Variants in PDE10A observed in about 807,000 individuals in gnomAD.
PDE10A encodes phosphodiesterase 10A.
PDE10A carries 39 observed loss-of-function variants against 97.7 expected under a neutral mutation model. The ratio of observed to expected loss-of-function variants is 0.40; its 90% CI spans 0.31 to 0.52. PDE10A has a LOEUF of 0.52. Among genes scored for constraint, PDE10A ranks in the 20% least tolerant of loss-of-function variants. The pLI, the probability that PDE10A is intolerant of heterozygous loss-of-function variation, is 0.56. For synonymous variants in PDE10A, 371 were observed against 376.8 expected (o/e 0.98, Z 0.18); for missense variants, 731 against 1,047.8 (o/e 0.70, Z 4.17).
At chr6:165,453,428 G>T (rs868832096) in intron 3 of PDE10A, among the ~76,000 whole-genome samples, 1 of 152,240 alleles carries the variant, frequency 6.6e-6, no homozygotes, top group Non-Finnish European at 1.5e-5. Flanking sequence ...ATGGGAGAAA[G>T]ACCATAAAGC....
Position 165,661,599 on chromosome 6 carries a change from G to A in PDE10A, c.865+348C>T, listed in dbSNP as rs1182255817. On this transcript the variant is annotated intron_variant, in intron 1 of 21. Transcript: ENST00000539869. This position sits in a 1 kb window ranked among gnomAD's most constrained non-coding sequence, Gnocchi z 4.8. ...GGAACCTAAGTGGTCACAAAGTTGA[G>A]TATAAATACGCGCCGGACAAGTGTG... The A allele has an allele frequency of 1.1e-5, 3 of 270,300 alleles. No homozygotes were observed. Among genetic ancestry groups the A allele is most frequent in the African/African-American group, 4.5e-5 (2 of 44,320 alleles). The allele number at this position is 270,300 out of a possible 1,614,324, so 16.7% of individuals were successfully genotyped here. A position where few individuals can be genotyped will look rare whatever the true frequency, so the allele number is the denominator to read the frequency against.
At chr6:165,902,354 T>C (rs576891935) in intron 1 of PDE10A, among the ~76,000 whole-genome samples, 4 of 152,356 alleles carry the variant, frequency 2.6e-5, no homozygotes, top group African/African-American at 9.6e-5. Flanking sequence ...GCTGCCGAGC[T>C]GTGAGTGTTT....
intron 2 of PDE10A, among the ~76,000 whole-genome samples, chr6:165,490,778 AACCCC>A (rs1425229807): frequency 6.6e-6 from 1 of 152,156 alleles, no homozygotes; most frequent in Non-Finnish European, 1.5e-5. Context: ...AACATGGGGA[AACCCC>A]ACGTCTACTA....
chr6:165,672,763 C>G (rs1790683370), intron 1 of PDE10A, among the ~76,000 whole-genome samples: 2 of 152,332 alleles, frequency 1.3e-5, no homozygotes, highest in Middle Eastern at 3.4e-3. Flanking sequence ...TAAACCTCTT[C>G]TTTTGTAAAT....
intron 1 of PDE10A, among the ~76,000 whole-genome samples, chr6:165,867,354 A>C (rs1441309114): frequency 1.3e-5 from 2 of 152,068 alleles, no homozygotes; most frequent in South Asian, 4.1e-4. Context: ...ATGGGAACCA[A>C]AAGCTTGCAG....
chr6:165,573,987 T>A (rs1226361434), intron 1 of PDE10A, among the ~76,000 whole-genome samples: 1 of 152,242 alleles, frequency 6.6e-6, no homozygotes, highest in Non-Finnish European at 1.5e-5. Context: ...CGGCCATTAC[T>A]GTGTGAACCC....
intron 1 of PDE10A, among the ~76,000 whole-genome samples, chr6:165,616,980 T>C (rs901522841): frequency 5.3e-5 from 8 of 152,242 alleles, no homozygotes; most frequent in African/African-American, 1.9e-4. Context: ...ATTTACTGGA[T>C]GTTCCAGAAT....
At chr6:165,972,266 G>A (rs1784701754) in intron 1 of PDE10A, among the ~76,000 whole-genome samples, 1 of 152,080 alleles carries the variant, frequency 6.6e-6, no homozygotes, top group Non-Finnish European at 1.5e-5. Context: ...GAGCTGCTGG[G>A]AAGTGAGAAC....
chr6:165,796,090 T>C (rs573633063), intron 1 of PDE10A, among the ~76,000 whole-genome samples: 1 of 130,116 alleles, frequency 7.7e-6, no homozygotes, highest in South Asian at 2.8e-4. Context: ...TTTTTTCTTT[T>C]CTTTTTTTTT....
chr6:165,913,874 G>A (rs1782533369), intron 1 of PDE10A, among the ~76,000 whole-genome samples: 1 of 152,198 alleles, frequency 6.6e-6, no homozygotes, highest in African/African-American at 2.4e-5. Context: ...GCAAATCTAT[G>A]GTTCTTGCAG....
intron 1 of PDE10A, among the ~76,000 whole-genome samples, chr6:165,779,444 G>A (rs886507971): frequency 1.3e-5 from 2 of 152,118 alleles, no homozygotes; most frequent in African/African-American, 4.8e-5. Context: ...TCACTTCAGC[G>A]GCTCCCTATT....
At chr6:165,734,839 T>C (rs904277213) in intron 1 of PDE10A, among the ~76,000 whole-genome samples, 1 of 152,208 alleles carries the variant, frequency 6.6e-6, no homozygotes, top group African/African-American at 2.4e-5. Context: ...TTAAATATTG[T>C]TGAAAGATAA....
intron 1 of PDE10A, among the ~76,000 whole-genome samples, chr6:165,888,535 C>T (rs1781693052): frequency 6.6e-6 from 1 of 152,128 alleles, no homozygotes; most frequent in Non-Finnish European, 1.5e-5. Flanking sequence ...CCACCCGCCT[C>T]AGCCTCCCAA....
chr6:165,419,855 T>C (rs560124305), intron 10 of PDE10A, among the ~76,000 whole-genome samples: 2 of 152,194 alleles, frequency 1.3e-5, no homozygotes, highest in Non-Finnish European at 2.9e-5. Flanking sequence ...GGGCAAAATA[T>C]AGCATCTCAT....
At chr6:165,701,722 CGCGTGTGTGCATGTGTGTGT>C (rs1165385784) in intron 1 of PDE10A, among the ~76,000 whole-genome samples, 50 of 149,564 alleles carry the variant, frequency 3.3e-4, no homozygotes, top group Admixed American at 1.1e-3. Context: ...TGTGTGTTTG[CGCGTGTGTGCATGTGTGTGT>C]GCATGTGTGT....
chr6:165,480,920 T>C (rs948349093), intron 3 of PDE10A, among the ~76,000 whole-genome samples: 1 of 152,238 alleles, frequency 6.6e-6, no homozygotes, highest in Non-Finnish European at 1.5e-5. Flanking sequence ...ATTTCTAGGT[T>C]ATCAGCTCAT....
At chr6:165,499,526 T>A (rs1320931675) in intron 2 of PDE10A, among the ~76,000 whole-genome samples, 1 of 152,208 alleles carries the variant, frequency 6.6e-6, no homozygotes, top group South Asian at 2.1e-4. Context: ...TTGTATCAGT[T>A]AGGAAATTAT....
At chr6:165,722,235 C>A (rs1792183770) in intron 1 of PDE10A, among the ~76,000 whole-genome samples, 2 of 152,190 alleles carry the variant, frequency 1.3e-5, no homozygotes, top group Admixed American at 1.3e-4. Context: ...TTCTTGGCTG[C>A]CTTCACCATT....
chr6:165,808,710 A>C (rs1269225222), intron 1 of PDE10A, among the ~76,000 whole-genome samples: 1 of 152,214 alleles, frequency 6.6e-6, no homozygotes, highest in African/African-American at 2.4e-5. Context: ...TTTAATGTTT[A>C]CTTGTCAAAG....
Sources: allele counts gnomAD v4.1 joint callset (sites outside exome capture counted in the v4.1 genomes callset), GRCh38; gene constraint gnomAD v4.1.1; non-coding constraint Gnocchi (gnomAD v3.1); transcripts MANE v1.5; gene names NCBI Gene and HGNC (gene_info 2026-07-23, HGNC 2026-07-21).